Variants in FAM131C observed in about 807,000 individuals in gnomAD.
FAM131C encodes family with sequence similarity 131 member C.
In FAM131C, 14 loss-of-function variants were observed where a neutral mutation model predicts 29.8. That is an observed-to-expected ratio of 0.47 (90% CI 0.31 to 0.73). The LOEUF is 0.73. Among genes scored for constraint, FAM131C ranks in the 30% least tolerant of loss-of-function variants. The probability of loss-of-function intolerance (pLI) is 0.05; values close to 1 mark genes in which losing one functional copy is unlikely to be tolerated. For synonymous variants in FAM131C, 86 were observed against 157.8 expected, an observed-to-expected ratio of 0.54 and a Z score of 3.41; for missense variants, 252 against 383.8, an observed-to-expected ratio of 0.66 and a Z score of 2.87.
Position 16,065,264 on chromosome 1 carries a change from T to C in FAM131C, c.23-1628A>G, listed in dbSNP as rs535283297. On this transcript the variant is annotated intron_variant, in intron 1 of 6. Coordinates refer to ENST00000375662, the MANE Select transcript of FAM131C (RefSeq NM_182623.3). ...CCTGGGAGTTTCTCAGGGTCCTGCC[T>C]TCCCCCACTCTCCCCGGGGCCACGC... is the stretch of plus-strand genomic sequence containing the variant. Among the ~76,000 whole-genome samples the C allele has an allele frequency of 9.2e-5, 14 of 152,216 alleles. No individual in the cohort carries two copies. In the East Asian group the frequency reaches 2.7e-3, roughly 29 times the overall value.
At chr1:16,063,884 C>G (rs920802263) in intron 1 of FAM131C, among the ~76,000 whole-genome samples, 1 of 152,078 alleles carries the variant, frequency 6.6e-6, no homozygotes, top group Non-Finnish European at 1.5e-5. Context: ...CACCCACACT[C>G]CAGCATGATT....
rs1157975827 is a variant in FAM131C, at chr1:16,058,088, C to G, written c.*349G>C. On this transcript the variant is annotated 3_prime_UTR_variant, in exon 7 of 7. Coordinates refer to ENST00000375662, the MANE Select transcript of FAM131C (RefSeq NM_182623.3). ...CCCACTGTAAGTGGGTCTCAGTTCT[C>G]TCCATGGCTGTCCTCCTGGGGGCCT... 1.1e-5 allele frequency: 2 copies of G among 180,386 alleles called. No homozygotes were observed. The highest frequency in any genetic ancestry group is 4.7e-5 in the African/African-American group (2 of 42,696). 11.2% of individuals were successfully genotyped at this position (180,386 alleles called of 1,614,324 possible).
chr1:16,068,426 G>A (rs1006003630), intron 1 of FAM131C, among the ~76,000 whole-genome samples: 17 of 152,190 alleles, frequency 1.1e-4, no homozygotes, highest in African/African-American at 4.1e-4. Context: ...GTCTCTCTCT[G>A]GACAATGGGA....
intron 3 of FAM131C, 120 bp downstream of exon 3, chr1:16,062,379 G>GCCCCCCCCC: frequency 8.5e-7 from 1 of 1,179,560 alleles, no homozygotes; most frequent in Non-Finnish European, 1.1e-6. Context: ...TGTTTCATCA[G>GCCCCCCCCC]GCCCCCCCCC....
chr1:16,068,471 C>T (rs2023710311), intron 1 of FAM131C, among the ~76,000 whole-genome samples: 1 of 152,238 alleles, frequency 6.6e-6, no homozygotes, highest in South Asian at 2.1e-4. Context: ...GGTCCTGTCC[C>T]CAGGGCTGGA....
At chr1:16,069,202 A>T (rs1419810792) in intron 1 of FAM131C, among the ~76,000 whole-genome samples, 1 of 152,162 alleles carries the variant, frequency 6.6e-6, no homozygotes, top group Non-Finnish European at 1.5e-5. Context: ...AACAGTGCTG[A>T]TCTCCAGACA....
At chr1:16,071,578 A>G (rs1036906582) in intron 1 of FAM131C, among the ~76,000 whole-genome samples, 2 of 151,862 alleles carry the variant, frequency 1.3e-5, no homozygotes, top group Admixed American at 1.3e-4. Context: ...CCTCAACCCA[A>G]CTTTCCTGGA....
chr1:16,068,865 G>T (rs2023715398), intron 1 of FAM131C, among the ~76,000 whole-genome samples: 1 of 152,052 alleles, frequency 6.6e-6, no homozygotes, highest in South Asian at 2.1e-4. Flanking sequence ...CAAGCAACCT[G>T]CCCAGATTGG....
chr1:16,059,718 C>T lies in FAM131C; in HGVS notation c.452-114G>A. The T allele has an allele frequency of 6.3e-6, 4 of 633,032 alleles. No individual in the cohort carries two copies. In the Admixed American group the frequency reaches 2.8e-4, roughly 44 times the overall value. The allele number at this position is 633,032 out of a possible 1,614,324, so 39.2% of individuals were successfully genotyped here. ...TGGCCACCTCTCTGGGCTGCCAATC[C>T]ACACCCCAGTGGTCAAGAGTGCTCA... On this transcript the variant is annotated intron_variant, in intron 5 of 6. Transcript: ENST00000375662.
rs2023779087 is a variant in FAM131C at position 16,073,412 on chromosome 1, C to T, written c.22+9G>A. On this transcript the variant is annotated intron_variant, in intron 1 of 6. Coordinates refer to ENST00000375662, the MANE Select transcript of FAM131C (RefSeq NM_182623.3). ...CCCGATCCCCCCGCCCCCGGCCGGGCCCCCTCACCTCGCGACACGCAGGAG... is the reference window on the plus strand; with the variant it reads ...CCCGATCCCCCCGCCCCCGGCCGGGTCCCCTCACCTCGCGACACGCAGGAG... 24 of 1,209,210 alleles carry T rather than the reference C, an allele frequency of 2.0e-5. No homozygotes were observed. Among genetic ancestry groups the T allele is most frequent in the Non-Finnish European group, 2.5e-5 (24 of 972,040 alleles). 74.9% of individuals were successfully genotyped at this position (1,209,210 alleles called of 1,614,324 possible).
At chr1:16,068,749 C>T (rs995471158) in intron 1 of FAM131C, among the ~76,000 whole-genome samples, 5 of 152,156 alleles carry the variant, frequency 3.3e-5, no homozygotes, top group African/African-American at 1.2e-4. Flanking sequence ...ATGGGCTCCT[C>T]CCCAGGACTT....
Position 16,062,431 on chromosome 1 carries a change from C to G in FAM131C, c.174+68G>C, listed in dbSNP as rs562381422. The G allele has an allele frequency of 1.8e-5, 25 of 1,364,224 alleles. No individual in the cohort carries two copies. The African/African-American group carries it at 3.9e-4, about 21-fold the overall frequency. The allele number at this position is 1,364,224 out of a possible 1,614,324, so 84.5% of individuals were successfully genotyped here. ...AGCAGGACTGTGTGCCTGGGCTGGG[C>G]ACAAAGGATGGAGGGGCCGTGGTGT... is the stretch of plus-strand genomic sequence containing the variant. On this transcript the variant is annotated intron_variant, in intron 3 of 6. Transcript: ENST00000375662.
At position 16,065,296 on chromosome 1, in the gene FAM131C, C is replaced by T. The variant is rs76730931; in HGVS notation, c.23-1660G>A. On this transcript the variant is annotated intron_variant, in intron 1 of 6. Coordinates refer to ENST00000375662, the MANE Select transcript of FAM131C (RefSeq NM_182623.3). ...ACTCTCCCCGGGGCCACGCAGTCAA[C>T]CGGCAAATCCTGTTAGCCCTCTCTT... is the stretch of plus-strand genomic sequence containing the variant. Among the ~76,000 whole-genome samples, 740 of 152,316 alleles carry T rather than the reference C, an allele frequency of 4.9e-3. 19 individuals are homozygous for T. In the East Asian group the frequency reaches 0.08, roughly 17 times the overall value.
intron 4 of FAM131C, among the ~76,000 whole-genome samples, chr1:16,061,574 T>C (rs2023593644): frequency 6.6e-6 from 1 of 152,094 alleles, no homozygotes; most frequent in Non-Finnish European, 1.5e-5. Flanking sequence ...TGGGGGAATA[T>C]AAAGTCCAGC....
At chr1:16,066,370 G>A (rs184172609) in intron 1 of FAM131C, among the ~76,000 whole-genome samples, 3 of 152,334 alleles carry the variant, frequency 2.0e-5, no homozygotes, top group African/African-American at 7.2e-5. Flanking sequence ...GGAGGTGAGA[G>A]CACCTGGGGC....
chr1:16,068,992 C>G lies in FAM131C; in HGVS notation c.22+4429G>C, dbSNP rs77912923. On this transcript the variant is annotated intron_variant, in intron 1 of 6. Transcript: ENST00000375662. ...CAGTACTGTGTCAGGTACTGTCTGT[C>G]CTAGGCCTGTTCACCCATGATCTCT... 9.3e-3 allele frequency among the ~76,000 whole-genome samples: 1,412 copies of G among 152,292 alleles called. 11 individuals are homozygous for G. Among genetic ancestry groups the G allele is most frequent in the African/African-American group, 0.033 (1,354 of 41,542 alleles).
chr1:16,073,070 C>T (rs944183728), intron 1 of FAM131C, among the ~76,000 whole-genome samples: 10 of 152,020 alleles, frequency 6.6e-5, no homozygotes, highest in Non-Finnish European at 1.2e-4. Context: ...TCTCCCGGTG[C>T]CCGCAGTTCC....
intron 4 of FAM131C, among the ~76,000 whole-genome samples, chr1:16,061,444 C>T: frequency 6.6e-6 from 1 of 152,228 alleles, no homozygotes; most frequent in Non-Finnish European, 1.5e-5. Flanking sequence ...TGCCCAGCTG[C>T]TTCAGGTGCT....
rs76133148 is a variant in FAM131C, at chr1:16,067,324, C to T, written c.23-3688G>A. Among the ~76,000 whole-genome samples, 799 of 152,276 alleles carry T rather than the reference C, an allele frequency of 5.2e-3. 21 individuals are homozygous for T. The East Asian group carries it at 0.066, about 13-fold the overall frequency. ...CCAGCTGGGACTGGTGGTCACGTCA[C>T]CACTGGCAACTGGAAAAACACAGAG... On this transcript the variant is annotated intron_variant, in intron 1 of 6. Transcript: ENST00000375662.
Sources: gnomAD v4.1 joint callset for allele counts (sites outside exome capture counted in the v4.1 genomes callset) on GRCh38, gnomAD v4.1.1 for gene constraint, MANE v1.5 for transcripts, NCBI Gene and HGNC (gene_info 2026-07-23, HGNC 2026-07-21) for gene names.